The following DPYD variants were observed in gnomAD, a reference collection of about 807,000 sequenced individuals.
DPYD encodes dihydropyrimidine dehydrogenase.
In DPYD, 109 loss-of-function variants were observed where a neutral mutation model predicts 116.2. That is an observed-to-expected ratio of 0.94 (90% CI 0.80 to 1.10). The LOEUF is 1.10. Among genes scored for constraint, DPYD ranks in the 50% least tolerant of loss-of-function variants. The probability of loss-of-function intolerance (pLI) is 0.00; values close to 1 mark genes in which losing one functional copy is unlikely to be tolerated. For synonymous variants in DPYD, 440 were observed against 432.0 expected (o/e 1.02, Z -0.23); for missense variants, 1,302 against 1,254.5 (o/e 1.04, Z -0.57).
At chr1:97,722,679 A>G (rs1441777338) in intron 4 of DPYD, among the ~76,000 whole-genome samples, 3 of 151,678 alleles carry the variant, frequency 2.0e-5, no homozygotes, top group Non-Finnish European at 4.4e-5. Context: ...CTTCCATGAA[A>G]AGCCTCAGAC....
rs74104310 is a variant in DPYD, at chr1:97,201,485, C to T, written c.2443-8237G>A. On this transcript the variant is annotated intron_variant, in intron 19 of 22. Transcript: ENST00000370192. Reference sequence around the variant, plus strand: ...GGTAAGAATTCAGAATAACAATATCCGCCTATGAGCTTTTGGTACTACATA... The same window carrying T: ...GGTAAGAATTCAGAATAACAATATCTGCCTATGAGCTTTTGGTACTACATA... Among the ~76,000 whole-genome samples the T allele has an allele frequency of 5.0e-3, 762 of 152,132 alleles. 10 individuals are homozygous for T. The highest frequency in any genetic ancestry group is 0.018 in the African/African-American group (742 of 41,504).
At position 97,078,101 on chromosome 1, in the gene DPYD, T is replaced by C. The variant is rs1035521205; in HGVS notation, c.*875A>G. 6.6e-6 allele frequency: 1 copy of C among 152,200 alleles called. No individual in the cohort carries two copies. The highest frequency in any genetic ancestry group is 2.4e-5 in the African/African-American group (1 of 41,466). The allele number at this position is 152,200 out of a possible 1,614,324, so 9.4% of individuals were successfully genotyped here. A position where few individuals can be genotyped will look rare whatever the true frequency, so the allele number is the denominator to read the frequency against. ...ATATATATTATCAACATTATATTTTTCATTCTTGAATAATGAAGCATTGCA... is the reference window on the plus strand; with the variant it reads ...ATATATATTATCAACATTATATTTTCCATTCTTGAATAATGAAGCATTGCA... On this transcript the variant is annotated 3_prime_UTR_variant, in exon 23 of 23. Transcript: ENST00000370192.
intron 1 of DPYD, among the ~76,000 whole-genome samples, chr1:97,904,293 C>G (rs1266804475): frequency 6.6e-6 from 1 of 151,984 alleles, no homozygotes; most frequent in Non-Finnish European, 1.5e-5. Context: ...AATGATTATA[C>G]AGGATCCACT....
chr1:97,790,334 A>G (rs1254923609), intron 3 of DPYD, among the ~76,000 whole-genome samples: 3 of 152,236 alleles, frequency 2.0e-5, no homozygotes, highest in Non-Finnish European at 4.4e-5. Flanking sequence ...CATAAGAAAG[A>G]GAGGAATGAT....
intron 18 of DPYD, among the ~76,000 whole-genome samples, chr1:97,247,622 A>C (rs1662805963): frequency 6.6e-6 from 1 of 152,236 alleles, no homozygotes; most frequent in South Asian, 2.1e-4. Flanking sequence ...AGAATAATCT[A>C]TGTAAAGCAG....
At chr1:97,619,114 T>C (rs1656478134) in intron 8 of DPYD, among the ~76,000 whole-genome samples, 1 of 152,134 alleles carries the variant, frequency 6.6e-6, no homozygotes, top group African/African-American at 2.4e-5. Context: ...TTGGTAAAAT[T>C]TTGTTGTTTT....
chr1:97,494,181 A>T (rs1481820253), intron 13 of DPYD, among the ~76,000 whole-genome samples: 2 of 152,178 alleles, frequency 1.3e-5, no homozygotes, highest in African/African-American at 4.8e-5. Flanking sequence ...ACTCTAAAAA[A>T]ATTTAAAATG....
chr1:97,547,942 T>C (rs756935839), intron 12 of DPYD, among the ~76,000 whole-genome samples: 2 of 152,260 alleles, frequency 1.3e-5, no homozygotes, highest in South Asian at 2.1e-4. Context: ...AAGATGATAC[T>C]ATCAGTGTCA....
At chr1:97,839,602 A>G (rs1669945160) in intron 2 of DPYD, among the ~76,000 whole-genome samples, 1 of 152,154 alleles carries the variant, frequency 6.6e-6, no homozygotes, top group African/African-American at 2.4e-5. Context: ...ATTTTACTTA[A>G]CAATTTTCTT....
intron 3 of DPYD, among the ~76,000 whole-genome samples, chr1:97,766,457 G>T (rs1268943772): frequency 6.6e-6 from 1 of 151,992 alleles, no homozygotes; most frequent in Admixed American, 6.6e-5. Flanking sequence ...GAGAGGCCAA[G>T]GATTGCTGAG....
At chr1:97,485,825 C>T (rs1259348036) in intron 13 of DPYD, among the ~76,000 whole-genome samples, 2 of 152,150 alleles carry the variant, frequency 1.3e-5, no homozygotes, top group Non-Finnish European at 1.5e-5. Flanking sequence ...AATTAGTACA[C>T]TCACTTTCTG....
In DPYD at chr1:97,520,509, T is replaced by C. The variant is rs117820955; in HGVS notation, c.1525-4568A>G. On this transcript the variant is annotated intron_variant, in intron 12 of 22. Coordinates refer to ENST00000370192, the MANE Select transcript of DPYD (RefSeq NM_000110.4). ...TTTTACTTTAGTATTATTCTTTGAG[T>C]TCTGGGATACATGTGCACAATGTGC... is the stretch of plus-strand genomic sequence containing the variant. Among the ~76,000 whole-genome samples, 3 of 152,196 alleles carry C rather than the reference T, an allele frequency of 2.0e-5. No individual in the cohort carries two copies. In the East Asian group the frequency reaches 5.8e-4, roughly 29 times the overall value.
At chr1:97,594,947 C>G in intron 9 of DPYD, 112 bp downstream of exon 9, 2 of 711,874 alleles carry the variant, frequency 2.8e-6, no homozygotes, top group Non-Finnish European at 2.3e-6. Flanking sequence ...GGGTCTTAGG[C>G]AAGGTTGGGT....
At chr1:97,844,684 G>A (rs1389430387) in intron 2 of DPYD, among the ~76,000 whole-genome samples, 1 of 152,172 alleles carries the variant, frequency 6.6e-6, no homozygotes, top group African/African-American at 2.4e-5. Flanking sequence ...GCAGGAGCCA[G>A]GTACAGGTGG....
At chr1:97,301,179 T>C (rs1666838932) in intron 18 of DPYD, among the ~76,000 whole-genome samples, 1 of 152,048 alleles carries the variant, frequency 6.6e-6, no homozygotes, top group African/African-American at 2.4e-5. Context: ...ATAACCTCTA[T>C]GAGAGGAGTA....
chr1:97,258,074 G>C (rs952704322), intron 18 of DPYD, among the ~76,000 whole-genome samples: 1 of 152,046 alleles, frequency 6.6e-6, no homozygotes. Context: ...AGATCTGGCT[G>C]GAATGTTAGG....
At chr1:97,350,360 TTAAAAA>T (rs1368601547) in intron 16 of DPYD, among the ~76,000 whole-genome samples, 2 of 152,174 alleles carry the variant, frequency 1.3e-5, no homozygotes, top group Non-Finnish European at 2.9e-5. Context: ...CAACTGATAC[TTAAAAA>T]TAATTTAGTC....
chr1:97,176,897 T>TGTGTGG (rs1553228786), intron 20 of DPYD, among the ~76,000 whole-genome samples: 176 of 79,698 alleles, frequency 2.2e-3, no homozygotes, highest in Non-Finnish European at 3.1e-3. Flanking sequence ...TGTGTGTGTG[T>TGTGTGG]AGGGGGGGTG....
intron 16 of DPYD, among the ~76,000 whole-genome samples, chr1:97,306,594 A>C (rs575076543): frequency 6.6e-6 from 1 of 152,082 alleles, no homozygotes; most frequent in East Asian, 1.9e-4. Context: ...CTTTCAGTTA[A>C]ATATTATCAG....
Sources: allele counts gnomAD v4.1 joint callset (sites outside exome capture counted in the v4.1 genomes callset), GRCh38; gene constraint gnomAD v4.1.1; transcripts MANE v1.5; gene names NCBI Gene and HGNC (gene_info 2026-07-23, HGNC 2026-07-21).